ASIC2: variants seen among roughly 807,000 people sequenced by gnomAD.
The protein encoded by ASIC2 is acid-sensing ion channel 2.
A neutral mutation model predicts 57.3 loss-of-function variants in ASIC2; 25 were observed. The ratio of observed to expected loss-of-function variants is 0.44; its 90% CI spans 0.32 to 0.61. The LOEUF (loss-of-function observed/expected upper bound fraction) is 0.61. ASIC2 is among the 20% of genes least tolerant of loss of function. ASIC2 has a pLI of 0.06. For synonymous variants in ASIC2, 319 were observed against 307.5 expected, an observed-to-expected ratio of 1.04 and a Z score of -0.39; for missense variants, 641 against 738.1, an observed-to-expected ratio of 0.87 and a Z score of 1.52.
At chr17:33,987,494 GA>G (rs1165848116) in intron 1 of ASIC2, among the ~76,000 whole-genome samples, 2 of 152,204 alleles carry the variant, frequency 1.3e-5, no homozygotes, top group African/African-American at 4.8e-5. Context: ...GGCACTTGGA[GA>G]CCGTCATATT....
At chr17:33,544,349 A>G (rs1471399509) in intron 1 of ASIC2, among the ~76,000 whole-genome samples, 2 of 152,188 alleles carry the variant, frequency 1.3e-5, no homozygotes, top group Non-Finnish European at 2.9e-5. Context: ...TGCTATGAAC[A>G]TTTGTGTACA....
chr17:33,778,032 C>T (rs181008356), intron 1 of ASIC2, among the ~76,000 whole-genome samples: 29 of 152,242 alleles, frequency 1.9e-4, no homozygotes, highest in South Asian at 8.3e-4. Context: ...GTGGGCCTTC[C>T]GCTGGGAAAT....
Position 33,028,264 on chromosome 17 carries a change from G to C in ASIC2, c.1116C>G (p.Asn372Lys). The C allele has an allele frequency of 6.2e-7, 1 of 1,614,150 alleles. No individual in the cohort carries two copies. Among genetic ancestry groups the C allele is most frequent in the Non-Finnish European group, 8.5e-7 (1 of 1,180,038 alleles). ...GACCTGGCATGTGAACCATGCGGCA[G>C]TTGCAGTTTTCCACAATGTAGCGGG... is the stretch of plus-strand genomic sequence containing the variant. ...CETRYIVENC[N>K]CRMVHMPGDA... is the part of the protein sequence containing the mutation. Residue 372 changes from asparagine to lysine, a missense_variant, in exon 4 of 10, where the codon AAC becomes AAG. By Grantham distance (94) the Asn-to-Lys change is moderately conservative (BLOSUM62 0). Transcript: ENST00000225823.
At chr17:33,244,325 AC>A (rs1432898705) in intron 1 of ASIC2, among the ~76,000 whole-genome samples, 1 of 151,916 alleles carries the variant, frequency 6.6e-6, no homozygotes, top group Non-Finnish European at 1.5e-5. Context: ...ACTGGAGAAA[AC>A]CATGTAGACA....
chr17:33,316,417 C>T (rs1906653127), intron 1 of ASIC2, among the ~76,000 whole-genome samples: 1 of 152,172 alleles, frequency 6.6e-6, no homozygotes. Flanking sequence ...ATTGACCTGT[C>T]CATGCATATA....
chr17:33,943,452 T>C (rs1916236715), intron 1 of ASIC2, among the ~76,000 whole-genome samples: 2 of 152,176 alleles, frequency 1.3e-5, no homozygotes, highest in Admixed American at 1.3e-4. Flanking sequence ...TGCAGAGTGC[T>C]TCCACAGCCC....
intron 1 of ASIC2, among the ~76,000 whole-genome samples, chr17:33,882,489 A>C (rs1184436316): frequency 6.6e-6 from 1 of 152,246 alleles, no homozygotes; most frequent in Non-Finnish European, 1.5e-5. Flanking sequence ...ACATTTATGC[A>C]GCCAACAGAC....
chr17:33,459,050 T>C (rs982178664), intron 1 of ASIC2, among the ~76,000 whole-genome samples: 2 of 151,876 alleles, frequency 1.3e-5, no homozygotes. Flanking sequence ...AAACAAACTG[T>C]CAATTCTGGT....
At chr17:33,367,522 C>A (rs1289501751) in intron 1 of ASIC2, among the ~76,000 whole-genome samples, 1 of 152,178 alleles carries the variant, frequency 6.6e-6, no homozygotes, top group Non-Finnish European at 1.5e-5. Flanking sequence ...GGGGCAACTG[C>A]ACCTTTGCTG....
intron 1 of ASIC2, among the ~76,000 whole-genome samples, chr17:33,745,000 T>C (rs1017431738): frequency 6.6e-6 from 1 of 152,176 alleles, no homozygotes; most frequent in East Asian, 1.9e-4. Flanking sequence ...GATTATTCAA[T>C]CCAAAGAACA....
chr17:33,899,867 A>T (rs1344209691), intron 1 of ASIC2, among the ~76,000 whole-genome samples: 1 of 152,208 alleles, frequency 6.6e-6, no homozygotes, highest in Non-Finnish European at 1.5e-5. Context: ...AAAGTTCCAG[A>T]ATAGTCTACA....
At chr17:33,020,128 T>A (rs1343609137) in intron 7 of ASIC2, among the ~76,000 whole-genome samples, 1 of 152,054 alleles carries the variant, frequency 6.6e-6, no homozygotes, top group Non-Finnish European at 1.5e-5. Flanking sequence ...GTCCCCAGCC[T>A]CCTGGAGAAA....
At chr17:33,953,141 GA>G (rs36077685) in intron 1 of ASIC2, among the ~76,000 whole-genome samples, 2 of 151,886 alleles carry the variant, frequency 1.3e-5, no homozygotes, top group South Asian at 2.1e-4. Flanking sequence ...ATTTAAAATT[GA>G]AAAAAATAAT....
intron 1 of ASIC2, among the ~76,000 whole-genome samples, chr17:33,212,986 G>A (rs1040715139): frequency 1.3e-5 from 2 of 152,148 alleles, no homozygotes; most frequent in Non-Finnish European, 2.9e-5. Flanking sequence ...CTCAGATCCC[G>A]CCCCCAGATT....
At chr17:33,503,502 C>A (rs7223687) in intron 1 of ASIC2, among the ~76,000 whole-genome samples, 2 of 151,916 alleles carry the variant, frequency 1.3e-5, no homozygotes, top group Non-Finnish European at 2.9e-5. Flanking sequence ...ATTGGCTCAC[C>A]TCACTCCAGT....
intron 1 of ASIC2, among the ~76,000 whole-genome samples, chr17:33,894,857 C>T (rs1045193091): frequency 6.6e-6 from 1 of 152,130 alleles, no homozygotes; most frequent in Non-Finnish European, 1.5e-5. Flanking sequence ...ATCCCAGGCC[C>T]TTCTAGTTTT....
intron 1 of ASIC2, among the ~76,000 whole-genome samples, chr17:34,076,047 G>A (rs1909637276): frequency 6.6e-6 from 1 of 151,432 alleles, no homozygotes; most frequent in Admixed American, 6.6e-5. Flanking sequence ...TTGTTGCCCA[G>A]GCTGGAGTGC....
At chr17:33,701,131 A>C (rs1908684323) in intron 1 of ASIC2, among the ~76,000 whole-genome samples, 1 of 152,192 alleles carries the variant, frequency 6.6e-6, no homozygotes, top group African/African-American at 2.4e-5. Context: ...ATTTTTGATA[A>C]AATTGCAACC....
chr17:33,698,898 A>G (rs1318928128), intron 1 of ASIC2, among the ~76,000 whole-genome samples: 1 of 152,124 alleles, frequency 6.6e-6, no homozygotes, highest in Non-Finnish European at 1.5e-5. Context: ...GCAGGTGGTG[A>G]GAAAACGCAG....
Sources: gnomAD v4.1 joint callset for allele counts (sites outside exome capture counted in the v4.1 genomes callset) on GRCh38, gnomAD v4.1.1 for gene constraint, MANE v1.5 for transcripts, NCBI Gene and HGNC (gene_info 2026-07-23, HGNC 2026-07-21) for gene names.